CPQ: variants seen among roughly 807,000 people sequenced by gnomAD.
The protein encoded by CPQ is carboxypeptidase Q.
CPQ carries 37 observed loss-of-function variants against 45.7 expected under a neutral mutation model. The observed-to-expected ratio is 0.81, with a 90% CI of 0.62 to 1.07. The LOEUF is 1.07. Ranked by LOEUF, CPQ falls within the 50% of genes least tolerant of loss-of-function variation. The pLI is 0.00. For synonymous variants in CPQ, 186 were observed against 205.8 expected (o/e 0.90, Z 0.82); for missense variants, 537 against 572.9 (o/e 0.94, Z 0.64).
chr8:96,926,942 T>G (rs867448944), intron 4 of CPQ, among the ~76,000 whole-genome samples: 5 of 152,158 alleles, frequency 3.3e-5, no homozygotes, highest in Admixed American at 3.3e-4. Flanking sequence ...TGTTGTTATT[T>G]TGTTATTAAG....
intron 6 of CPQ, among the ~76,000 whole-genome samples, chr8:97,029,857 G>A (rs781098320): frequency 1.3e-5 from 2 of 151,924 alleles, no homozygotes; most frequent in African/African-American, 2.4e-5. Context: ...CTCAATGCCC[G>A]CCATATTCCC....
At chr8:96,695,723 A>G (rs1057030563) in intron 1 of CPQ, among the ~76,000 whole-genome samples, 9 of 151,646 alleles carry the variant, frequency 5.9e-5, no homozygotes, top group Non-Finnish European at 8.8e-5. Flanking sequence ...GAGAAATGCA[A>G]ATTAAAACCA....
intron 1 of CPQ, among the ~76,000 whole-genome samples, chr8:96,684,358 A>T (rs1809195278): frequency 6.6e-6 from 1 of 152,072 alleles, no homozygotes; most frequent in Admixed American, 6.6e-5. Flanking sequence ...TTGTTAATGG[A>T]TGTTGTGGTG....
At chr8:96,683,838 TG>T (rs1397029459) in intron 1 of CPQ, among the ~76,000 whole-genome samples, 2 of 152,028 alleles carry the variant, frequency 1.3e-5, no homozygotes, top group African/African-American at 4.8e-5. Flanking sequence ...TAGAAGCTCT[TG>T]ATTGTATTTT....
chr8:96,682,988 T>C (rs1261444759), intron 1 of CPQ, among the ~76,000 whole-genome samples: 2 of 152,222 alleles, frequency 1.3e-5, no homozygotes, highest in Admixed American at 6.5e-5. Context: ...CTTTGTAATA[T>C]GATTTTTGGT....
At chr8:96,934,008 T>G (rs757230465) in intron 4 of CPQ, among the ~76,000 whole-genome samples, 7 of 152,170 alleles carry the variant, frequency 4.6e-5, no homozygotes, top group Non-Finnish European at 8.8e-5. Context: ...GCCTAGCACC[T>G]GGAAGGCATT....
intron 7 of CPQ, among the ~76,000 whole-genome samples, chr8:97,114,828 A>G (rs1456365694): frequency 1.3e-5 from 2 of 152,168 alleles, no homozygotes; most frequent in Non-Finnish European, 2.9e-5. Flanking sequence ...TTTAAAAACA[A>G]TGCCCTCATT....
intron 3 of CPQ, among the ~76,000 whole-genome samples, chr8:96,876,299 A>G (rs900272186): frequency 2.6e-5 from 4 of 152,108 alleles, no homozygotes; most frequent in Non-Finnish European, 4.4e-5. Context: ...ACATTAATAT[A>G]AAACTAAAGA....
intron 4 of CPQ, among the ~76,000 whole-genome samples, chr8:96,922,661 A>G (rs1812824692): frequency 6.6e-6 from 1 of 152,216 alleles, no homozygotes; most frequent in Non-Finnish European, 1.5e-5. Context: ...TACAGTTTTC[A>G]AACCAATGTC....
At chr8:96,927,144 T>C (rs1158172946) in intron 4 of CPQ, among the ~76,000 whole-genome samples, 1 of 152,244 alleles carries the variant, frequency 6.6e-6, no homozygotes. Flanking sequence ...TCTATTTATA[T>C]ACTGCCTTGA....
chr8:97,056,101 AACACACACACAC>A (rs34266303), intron 6 of CPQ, among the ~76,000 whole-genome samples: 2 of 146,338 alleles, frequency 1.4e-5, no homozygotes, highest in Non-Finnish European at 3.0e-5. Flanking sequence ...CCTATCTCAA[AACACACACACAC>A]ACACACACAC....
At chr8:97,106,649 A>G (rs2130587440) in intron 7 of CPQ, among the ~76,000 whole-genome samples, 1 of 152,344 alleles carries the variant, frequency 6.6e-6, no homozygotes, top group South Asian at 2.1e-4. Context: ...GATGTCAGGT[A>G]GAGAGTATGA....
intron 7 of CPQ, among the ~76,000 whole-genome samples, chr8:97,084,558 G>A (rs1342715035): frequency 2.0e-5 from 3 of 152,158 alleles, no homozygotes; most frequent in Non-Finnish European, 4.4e-5. Context: ...CATGTGCTAA[G>A]TGGAAGCTGT....
chr8:96,738,629 G>A (rs1270841777), intron 1 of CPQ, among the ~76,000 whole-genome samples: 5 of 151,852 alleles, frequency 3.3e-5, no homozygotes, highest in Non-Finnish European at 7.4e-5. Flanking sequence ...ACCCACAACA[G>A]TCCCCAGAGT....
At chr8:97,019,497 G>A (rs1351962566) in intron 5 of CPQ, among the ~76,000 whole-genome samples, 1 of 152,106 alleles carries the variant, frequency 6.6e-6, no homozygotes, top group African/African-American at 2.4e-5. Flanking sequence ...TAACACTTAA[G>A]TGCTCACATA....
intron 6 of CPQ, among the ~76,000 whole-genome samples, chr8:97,062,798 C>G (rs1417398968): frequency 6.6e-6 from 1 of 152,154 alleles, no homozygotes; most frequent in Non-Finnish European, 1.5e-5. Context: ...CTGCAAAGGA[C>G]ATGATCTCAT....
At chr8:96,694,769 A>G (rs1338962129) in intron 1 of CPQ, among the ~76,000 whole-genome samples, 4 of 152,198 alleles carry the variant, frequency 2.6e-5, no homozygotes, top group African/African-American at 9.6e-5. Context: ...CAGTGAAAGC[A>G]GTACTAAGAG....
At chr8:96,675,427 C>T (rs1809064561) in intron 1 of CPQ, among the ~76,000 whole-genome samples, 2 of 152,004 alleles carry the variant, frequency 1.3e-5, no homozygotes, top group Non-Finnish European at 1.5e-5. Flanking sequence ...CTAATTGGTA[C>T]GTTACATGTA....
chr8:97,116,743 G>A (rs900190430), intron 7 of CPQ, among the ~76,000 whole-genome samples: 1 of 152,202 alleles, frequency 6.6e-6, no homozygotes, highest in African/African-American at 2.4e-5. Flanking sequence ...GAAAATAATA[G>A]AAGCTCCTTC....
Sources: allele counts gnomAD v4.1 joint callset (sites outside exome capture counted in the v4.1 genomes callset), GRCh38; gene constraint gnomAD v4.1.1; transcripts MANE v1.5; gene names NCBI Gene and HGNC (gene_info 2026-07-23, HGNC 2026-07-21).